RAD54L2: variants seen among roughly 807,000 people sequenced by gnomAD.
RAD54L2 encodes RAD54 like 2.
In RAD54L2, 27 loss-of-function variants were observed where a neutral mutation model predicts 138.4. The observed-to-expected ratio is 0.20, with a 90% CI of 0.14 to 0.27. The LOEUF is 0.27. Ranked by LOEUF, RAD54L2 falls within the 10% of genes least tolerant of loss-of-function variation. The pLI is 1.00. For missense variants in RAD54L2, 1,396 were observed against 1,890.2 expected (o/e 0.74, Z 4.85); for synonymous variants, 644 against 723.2 (o/e 0.89, Z 1.76).
chr3:51,651,963 AGGGTATTCAATT>A (rs1237183129), intron 19 of RAD54L2, among the ~76,000 whole-genome samples: 1 of 152,226 alleles, frequency 6.6e-6, no homozygotes, highest in Non-Finnish European at 1.5e-5. Flanking sequence ...AAAGAAATAA[AGGGTATTCAATT>A]AGGAAAAGAG....
intron 2 of RAD54L2, among the ~76,000 whole-genome samples, chr3:51,564,101 CA>C (rs1559618313): frequency 6.6e-6 from 1 of 152,320 alleles, no homozygotes; most frequent in African/African-American, 2.4e-5. Flanking sequence ...TGTATAGATA[CA>C]AACCCTTCTC....
intron 3 of RAD54L2, among the ~76,000 whole-genome samples, chr3:51,619,272 C>T (rs1206881062): frequency 7.2e-5 from 11 of 151,980 alleles, no homozygotes; most frequent in African/African-American, 1.2e-4. Context: ...TTGGTCAGGC[C>T]GGTCTCGAAC....
At position 51,638,071 on chromosome 3, in the gene RAD54L2, G is replaced by T. The variant is rs550988084; in HGVS notation, c.1683-73G>T. 5 of 1,431,464 alleles carry T rather than the reference G, an allele frequency of 3.5e-6. No homozygotes were observed. Among genetic ancestry groups the T allele is most frequent in the Non-Finnish European group, 4.8e-6 (5 of 1,036,232 alleles). 88.7% of individuals were successfully genotyped at this position (1,431,464 alleles called of 1,614,324 possible). A position where few individuals can be genotyped will look rare whatever the true frequency, so the allele number is the denominator to read the frequency against. ...GGGAGGTGTGGCAGGAGTGCAAAAG[G>T]CTCTGTTTTTATCTTGTGCTGACCC... On this transcript the variant is annotated intron_variant, in intron 11 of 22. Coordinates refer to ENST00000684192, the MANE Select transcript of RAD54L2 (RefSeq NM_015106.4). The surrounding 1 kb of genome is among the most constrained non-coding windows in gnomAD (Gnocchi z 4.3).
At chr3:51,622,443 T>C (rs2106781753) in intron 3 of RAD54L2, among the ~76,000 whole-genome samples, 1 of 152,318 alleles carries the variant, frequency 6.6e-6, no homozygotes. Flanking sequence ...TTAATGGTAT[T>C]GCAGTGTCCC....
chr3:51,585,651 G>C (rs1037781705), intron 2 of RAD54L2, among the ~76,000 whole-genome samples: 1 of 152,182 alleles, frequency 6.6e-6, no homozygotes, highest in African/African-American at 2.4e-5. Flanking sequence ...TCTCACGATT[G>C]CTATGAGGTG....
At position 51,662,687 on chromosome 3, in the gene RAD54L2, C is replaced by G. The variant is rs138352248; in HGVS notation, c.3671C>G (p.Pro1224Arg). 12 of 1,613,780 alleles carry G rather than the reference C, an allele frequency of 7.4e-6. No individual in the cohort carries two copies. The highest frequency in any genetic ancestry group is 8.5e-6 in the Non-Finnish European group (10 of 1,179,888). Reference protein sequence around the residue: ...AVPGTALGTEPRLGGHCLNSS... With the variant: ...AVPGTALGTERRLGGHCLNSS... ...CCCGGGACAGCTCTCGGAACTGAGCCTCGACTAGGGGGTCATTGCCTCAAT... is the reference window on the plus strand; with the variant it reads ...CCCGGGACAGCTCTCGGAACTGAGCGTCGACTAGGGGGTCATTGCCTCAAT... The change falls in exon 23 of 23, where the codon CCT becomes CGT. Residue 1224 changes from proline (P) to arginine (R), a missense_variant. Pro to Arg is a moderately radical substitution (Grantham distance 103). Around this residue, in one of 7 missense-constraint regions of RAD54L2, gnomAD observed 634 missense variants for 711.2 expected, o/e 0.89. Transcript: ENST00000684192. This position sits in a 1 kb window ranked among gnomAD's most constrained non-coding sequence, Gnocchi z 4.6.
intron 2 of RAD54L2, among the ~76,000 whole-genome samples, chr3:51,567,941 CAAAAAAAAAAAA>C (rs763939768): frequency 1.2e-5 from 1 of 81,684 alleles, no homozygotes; most frequent in Non-Finnish European, 2.6e-5. Context: ...GACCCTGTCT[CAAAAAAAAAAAA>C]AAAAAAAAGA....
In RAD54L2 at chr3:51,586,418, C is replaced by G. The variant is rs372713590; in HGVS notation, c.-54-3949C>G. On this transcript the variant is annotated intron_variant, in intron 2 of 22. Transcript: ENST00000684192. ...CAGGCATGAACCATCACACCAGGCT[C>G]TTTGTTGCCTTTGTTTTTTTTTTTT... 4.7e-5 allele frequency among the ~76,000 whole-genome samples: 7 copies of G among 150,194 alleles called. 1 individual carries two copies. The East Asian group carries it at 1.2e-3, about 25-fold the overall frequency.
Position 51,662,605 on chromosome 3 carries a change from A to G in RAD54L2, c.3589A>G (p.Ser1197Gly). The change falls in exon 23 of 23, where the codon AGC becomes GGC. Residue 1197 changes from serine to glycine, a missense_variant. Physicochemically the swap from Ser to Gly is moderately conservative, Grantham distance 56. Coordinates refer to ENST00000684192, the MANE Select transcript of RAD54L2 (RefSeq NM_015106.4). This position sits in a 1 kb window ranked among gnomAD's most constrained non-coding sequence, Gnocchi z 4.6. ...AARESRQSSP[S>G]TNAALPGPPA... The stretch of plus-strand genomic sequence containing the variant: ...CCGGGAATCCCGTCAGAGCTCCCCA[A>G]GCACCAATGCCGCCCTGCCTGGCCC... The G allele has an allele frequency of 2.5e-6, 4 of 1,613,190 alleles. No homozygotes were observed. The highest frequency in any genetic ancestry group is 3.4e-6 in the Non-Finnish European group (4 of 1,179,556).
chr3:51,557,064 G>C (rs565296894), intron 2 of RAD54L2, among the ~76,000 whole-genome samples: 4 of 152,072 alleles, frequency 2.6e-5, no homozygotes, highest in African/African-American at 7.2e-5. Context: ...TGGCATACAC[G>C]TACAACTGTG....
At chr3:51,592,500 T>C (rs1282061757) in intron 3 of RAD54L2, among the ~76,000 whole-genome samples, 1 of 152,196 alleles carries the variant, frequency 6.6e-6, no homozygotes, top group Non-Finnish European at 1.5e-5. Flanking sequence ...TCAAGGACCA[T>C]TTTTATATTT....
chr3:51,545,955 T>TG, intron 2 of RAD54L2, among the ~76,000 whole-genome samples: 1 of 146,138 alleles, frequency 6.8e-6, no homozygotes, highest in African/African-American at 2.6e-5. Flanking sequence ...TTTTTTTTTT[T>TG]GGAGATGGCG....
chr3:51,637,219 C>T lies in RAD54L2; in HGVS notation c.1398C>T (p.His466=), dbSNP rs1230516134. Residue 466 remains histidine, a synonymous_variant, in exon 11 of 23, where the codon CAC becomes CAT. Coordinates refer to ENST00000684192, the MANE Select transcript of RAD54L2 (RefSeq NM_015106.4). This position sits in a 1 kb window ranked among gnomAD's most constrained non-coding sequence, Gnocchi z 5.9. ...ATGTAGTAATCTGTGATGAGGGACA[C>T]CGCATCAAAAACTGCCAGGCCAGCA... ...GPDVVICDEG[H]RIKNCQASTS... 6.3e-7 allele frequency: 1 copy of T among 1,595,374 alleles called. No homozygotes were observed. The highest frequency in any genetic ancestry group is 1.8e-5 in the Admixed American group (1 of 56,914).
intron 2 of RAD54L2, among the ~76,000 whole-genome samples, chr3:51,568,128 A>AT (rs1476183559): frequency 6.6e-6 from 1 of 151,878 alleles, no homozygotes; most frequent in Non-Finnish European, 1.5e-5. Context: ...TTGGTAGTTT[A>AT]TTACTTAGTA....
chr3:51,582,098 G>A (rs1015027387), intron 2 of RAD54L2, among the ~76,000 whole-genome samples: 9 of 151,884 alleles, frequency 5.9e-5, no homozygotes, highest in African/African-American at 1.9e-4. Flanking sequence ...GTAGAGATGA[G>A]GTCTCACTAT....
chr3:51,606,499 A>G (rs762921792), intron 3 of RAD54L2, among the ~76,000 whole-genome samples: 3 of 152,102 alleles, frequency 2.0e-5, no homozygotes, highest in Non-Finnish European at 4.4e-5. Context: ...TGAGAGAGCC[A>G]CTGCTCTAAA....
rs139083011 is a variant in RAD54L2 at position 51,663,314 on chromosome 3, G to A, written c.4298G>A (p.Arg1433Gln). 3.7e-5 allele frequency: 59 copies of A among 1,613,748 alleles called. 1 individual carries two copies. In the African/African-American group the frequency reaches 6.5e-4, roughly 18 times the overall value. ...HAGYPAGGLLRSQVPPFDSHE... is the reference protein window; with the variant it reads ...HAGYPAGGLLQSQVPPFDSHE... ...GGCTACCCAGCTGGTGGCCTCCTAC[G>A]GTCCCAGGTGCCTCCATTTGACTCT... is the stretch of plus-strand genomic sequence containing the variant. Residue 1433 changes from arginine to glutamine, a missense_variant, in exon 23 of 23, where the codon CGG becomes CAG. Coordinates refer to ENST00000684192, the MANE Select transcript of RAD54L2 (RefSeq NM_015106.4).
chr3:51,607,073 T>A (rs992650144), intron 3 of RAD54L2, among the ~76,000 whole-genome samples: 14 of 148,176 alleles, frequency 9.4e-5, no homozygotes, highest in Non-Finnish European at 1.3e-4. Context: ...TTTTTATTTT[T>A]TTTTATTTTT....
At chr3:51,585,365 A>G (rs898922871) in intron 2 of RAD54L2, among the ~76,000 whole-genome samples, 1 of 152,164 alleles carries the variant, frequency 6.6e-6, no homozygotes, top group Non-Finnish European at 1.5e-5. Context: ...GTGAAATTTC[A>G]TGAGCTGCCT....
Sources: allele counts gnomAD v4.1 joint callset (sites outside exome capture counted in the v4.1 genomes callset), GRCh38; gene constraint gnomAD v4.1.1; regional missense constraint gnomAD v4.1.1; non-coding constraint Gnocchi (gnomAD v3.1); transcripts MANE v1.5; gene names NCBI Gene and HGNC (gene_info 2026-07-23, HGNC 2026-07-21).